KCTD8: variants seen among roughly 807,000 people sequenced by gnomAD.
KCTD8 encodes the protein potassium channel tetramerization domain containing 8, also known as BTB/POZ domain-containing protein KCTD8.
KCTD8 carries 27 observed loss-of-function variants against 31.5 expected under a neutral mutation model. The observed-to-expected ratio is 0.86, with a 90% confidence interval of 0.63 to 1.18. The LOEUF (loss-of-function observed/expected upper bound fraction) is 1.18. KCTD8 is among the 50% of genes most tolerant of loss of function. KCTD8 has a pLI of 0.00. For synonymous variants in KCTD8, 290 were observed against 280.0 expected (o/e 1.04, Z -0.36); for missense variants, 658 against 647.7 (o/e 1.02, Z -0.17).
intron 1 of KCTD8, among the ~76,000 whole-genome samples, chr4:44,366,331 G>A (rs1421732786): frequency 6.6e-6 from 1 of 152,116 alleles, no homozygotes; most frequent in Non-Finnish European, 1.5e-5. Context: ...GTAGGACTTG[G>A]TCATGGGGGG....
chr4:44,339,759 T>C (rs1718848185), intron 1 of KCTD8, among the ~76,000 whole-genome samples: 1 of 152,140 alleles, frequency 6.6e-6, no homozygotes, highest in Non-Finnish European at 1.5e-5. Context: ...ACCAATACTT[T>C]GAAAGAATTT....
Position 44,448,423 on chromosome 4 carries a change from G to T in KCTD8, c.101C>A (p.Pro34Gln), listed in dbSNP as rs1722013923. ...GAAGGGCGAGGGTGCGCAGGGCCCC[G>T]GGGCGGCGGCGGCCGACGCGCCGGG... ...SSPGASAAAA[P>Q]GPCAPSPFPE... The change falls in exon 1 of 2, where the codon CCG becomes CAG. Residue 34 changes from proline (P) to glutamine (Q), a missense_variant. Physicochemically the swap from Pro to Gln is moderately conservative, Grantham distance 76. Coordinates refer to ENST00000360029, the MANE Select transcript of KCTD8 (RefSeq NM_198353.3). This position sits in a 1 kb window ranked among gnomAD's most constrained non-coding sequence, Gnocchi z 4.1. 2 of 1,563,530 alleles carry T rather than the reference G, an allele frequency of 1.3e-6. No individual in the cohort carries two copies. Among genetic ancestry groups the T allele is most frequent in the Non-Finnish European group, 8.6e-7 (1 of 1,161,126 alleles).
intron 1 of KCTD8, among the ~76,000 whole-genome samples, chr4:44,280,432 G>T (rs1321141960): frequency 2.0e-5 from 3 of 152,002 alleles, no homozygotes; most frequent in Non-Finnish European, 4.4e-5. Flanking sequence ...GTCGAGAGCT[G>T]CATCCTTTTC....
intron 1 of KCTD8, among the ~76,000 whole-genome samples, chr4:44,427,551 C>A (rs1424979833): frequency 6.6e-6 from 1 of 151,502 alleles, no homozygotes; most frequent in Non-Finnish European, 1.5e-5. Flanking sequence ...TCATGAAGAT[C>A]TCTCTGCACC....
intron 1 of KCTD8, 98 bp from the exon 2 acceptor site, chr4:44,175,348 G>A (rs1713179067): frequency 1.4e-6 from 1 of 735,212 alleles, no homozygotes; most frequent in Non-Finnish European, 2.1e-6. Flanking sequence ...TTTAAACCAA[G>A]AACATTTATT....
chr4:44,183,606 TA>T (rs148544483), intron 1 of KCTD8, among the ~76,000 whole-genome samples: 4,771 of 152,236 alleles, frequency 0.031, 137 homozygotes, highest in Non-Finnish European at 0.044. Context: ...GTACAGAAAC[TA>T]AATGTCAATA....
intron 1 of KCTD8, among the ~76,000 whole-genome samples, chr4:44,330,365 T>A (rs1483866941): frequency 6.6e-6 from 1 of 151,938 alleles, no homozygotes; most frequent in Non-Finnish European, 1.5e-5. Flanking sequence ...TTTATTTAGT[T>A]CTGCTGAGCC....
At chr4:44,265,488 C>A (rs907959006) in intron 1 of KCTD8, among the ~76,000 whole-genome samples, 36 of 152,192 alleles carry the variant, frequency 2.4e-4, no homozygotes, top group African/African-American at 8.2e-4. Context: ...CAGAGCACCT[C>A]TCCTCCTCCA....
intron 1 of KCTD8, among the ~76,000 whole-genome samples, chr4:44,176,124 T>C (rs1466298926): frequency 6.6e-6 from 1 of 152,224 alleles, no homozygotes; most frequent in African/African-American, 2.4e-5. Context: ...TCTAAAACCT[T>C]CATTAAATGG....
At chr4:44,196,406 T>A (rs1450639225) in intron 1 of KCTD8, among the ~76,000 whole-genome samples, 1 of 152,210 alleles carries the variant, frequency 6.6e-6, no homozygotes, top group Non-Finnish European at 1.5e-5. Flanking sequence ...ATTGTGTAAT[T>A]TTGGTGATTC....
intron 1 of KCTD8, among the ~76,000 whole-genome samples, chr4:44,364,848 G>C (rs1719588952): frequency 1.3e-5 from 2 of 151,778 alleles, no homozygotes; most frequent in African/African-American, 4.8e-5. Flanking sequence ...TTCTGGGAAA[G>C]GGAAAACTAT....
At chr4:44,216,456 A>G (rs1270443003) in intron 1 of KCTD8, among the ~76,000 whole-genome samples, 1 of 152,126 alleles carries the variant, frequency 6.6e-6, no homozygotes, top group East Asian at 1.9e-4. Context: ...TATTAATCCA[A>G]TACCCTAACC....
chr4:44,352,047 GC>G (rs1338457576), intron 1 of KCTD8, among the ~76,000 whole-genome samples: 1 of 151,946 alleles, frequency 6.6e-6, no homozygotes, highest in Non-Finnish European at 1.5e-5. Context: ...TTCTTACCTG[GC>G]CACTACTGTG....
At chr4:44,185,933 G>A (rs2109332526) in intron 1 of KCTD8, among the ~76,000 whole-genome samples, 1 of 152,206 alleles carries the variant, frequency 6.6e-6, no homozygotes, top group East Asian at 1.9e-4. Flanking sequence ...ACTGGAGCGG[G>A]ACAGGGAAGT....
chr4:44,407,613 C>T (rs893870611), intron 1 of KCTD8, among the ~76,000 whole-genome samples: 8 of 151,860 alleles, frequency 5.3e-5, no homozygotes, highest in African/African-American at 7.3e-5. Flanking sequence ...CTCAAACCCC[C>T]GACCTCAGAT....
At chr4:44,267,832 G>C (rs1034457590) in intron 1 of KCTD8, among the ~76,000 whole-genome samples, 1 of 152,120 alleles carries the variant, frequency 6.6e-6, no homozygotes, top group Non-Finnish European at 1.5e-5. Flanking sequence ...ATTCTCCCAA[G>C]ACTAAACCAG....
rs139244946 is a variant in KCTD8 at position 44,447,423 on chromosome 4, G to C, written c.961+140C>G. On this transcript the variant is annotated intron_variant, in intron 1 of 1. Coordinates refer to ENST00000360029, the MANE Select transcript of KCTD8 (RefSeq NM_198353.3). ...ATCGTGTCTACTGCATAAGGGAATC[G>C]TGCAGGGAGAGCCGCTCTCTATAAG... 1.4e-5 allele frequency: 19 copies of C among 1,318,276 alleles called. No individual in the cohort carries two copies. The Admixed American group carries it at 2.3e-4, about 16-fold the overall frequency. 81.7% of individuals were successfully genotyped at this position (1,318,276 alleles called of 1,614,324 possible).
At chr4:44,263,464 G>A (rs1716243281) in intron 1 of KCTD8, among the ~76,000 whole-genome samples, 1 of 152,114 alleles carries the variant, frequency 6.6e-6, no homozygotes, top group South Asian at 2.1e-4. Flanking sequence ...GTTGCATTAA[G>A]CCTTTTAAAC....
rs903559298 is a variant in KCTD8, at chr4:44,405,817, CAAAAAAAAAAA to C, written c.961+41735_961+41745del. ...GTTTTGAGGGCCTTGTCCTGTTTCT[CAAAAAAAAAAA>C]AAAAAAAAAAAAAAAGCAATAGTAC... On this transcript the variant is annotated intron_variant, in intron 1 of 1. Transcript: ENST00000360029. 8.1e-4 allele frequency among the ~76,000 whole-genome samples: 26 copies of C among 32,246 alleles called. No individual in the cohort carries two copies. The South Asian group carries it at 8.1e-3, about 10-fold the overall frequency. 21.2% of individuals were successfully genotyped at this position (32,246 alleles called of 152,430 possible). A position where few individuals can be genotyped will look rare whatever the true frequency, so the allele number is the denominator to read the frequency against.
Sources: allele counts gnomAD v4.1 joint callset (sites outside exome capture counted in the v4.1 genomes callset), GRCh38; gene constraint gnomAD v4.1.1; non-coding constraint Gnocchi (gnomAD v3.1); transcripts MANE v1.5; gene names NCBI Gene and HGNC (gene_info 2026-07-23, HGNC 2026-07-21).